Variants in SYNE1 observed in about 807,000 individuals in gnomAD.
The protein encoded by SYNE1 is spectrin repeat containing nuclear envelope protein 1, also known as nesprin-1.
A neutral mutation model predicts 1,111.0 loss-of-function variants in SYNE1; 616 were observed. The ratio of observed to expected loss-of-function variants is 0.55; its 90% confidence interval spans 0.52 to 0.59. SYNE1 has a LOEUF of 0.59. Ranked by LOEUF, SYNE1 falls within the 20% of genes least tolerant of loss-of-function variation. The pLI, the probability that SYNE1 is intolerant of heterozygous loss-of-function variation, is 0.00. For synonymous variants in SYNE1, 3,855 were observed against 3,825.8 expected (o/e 1.01, Z -0.28); for missense variants, 10,006 against 10,417.0 (o/e 0.96, Z 1.72).
At chr6:152,507,268 G>T (rs59175737) in intron 8 of SYNE1, among the ~76,000 whole-genome samples, 3,693 of 152,156 alleles carry the variant, frequency 0.024, 147 homozygotes, top group African/African-American at 0.084. Flanking sequence ...ATTAAGTGGG[G>T]TGTAAATAAA....
rs954877702 is a variant in SYNE1, at chr6:152,166,636, G to A, written c.23628-2311C>T. On this transcript the variant is annotated intron_variant, in intron 130 of 145. Coordinates refer to ENST00000367255, the MANE Select transcript of SYNE1 (RefSeq NM_182961.4). ...GTGGTTAGTATGCAATATGTCAAGG[G>A]CATCATGACATGGAAATGTGTGTTC... is the stretch of plus-strand genomic sequence containing the variant. 2.6e-5 allele frequency among the ~76,000 whole-genome samples: 4 copies of A among 152,176 alleles called. No individual in the cohort carries two copies. The East Asian group carries it at 7.7e-4, about 29-fold the overall frequency.
chr6:152,522,379 G>T (rs1283231847), intron 5 of SYNE1, among the ~76,000 whole-genome samples: 1 of 152,116 alleles, frequency 6.6e-6, no homozygotes, highest in Non-Finnish European at 1.5e-5. Flanking sequence ...TGCTGCAAAA[G>T]ACATTATTTC....
At position 152,330,463 on chromosome 6, in the gene SYNE1, C is replaced by T. The variant is rs1038663495; in HGVS notation, c.14222G>A (p.Arg4741His). 11 of 1,614,002 alleles carry T rather than the reference C, an allele frequency of 6.8e-6. No individual in the cohort carries two copies. The highest frequency in any genetic ancestry group is 6.7e-5 in the African/African-American group (5 of 74,902). The change falls in exon 78 of 146, where the codon CGC becomes CAC. Residue 4741 changes from arginine (R) to histidine (H), a missense_variant. Physicochemically the swap from Arg to His is conservative, Grantham distance 29 (BLOSUM62 0). Transcript: ENST00000367255. ...DELNQKKEGF[R>H]STGQPWQPDK... The stretch of plus-strand genomic sequence containing the variant: ...TGGCTGCCAAGGCTGACCTGTGCTG[C>T]GAAAACCTTCTTTTTTCTGGTTCAG...
In SYNE1 at chr6:152,309,910, A is replaced by G; in HGVS notation, c.17127T>C (p.Cys5709=). 1.2e-6 allele frequency: 2 copies of G among 1,614,158 alleles called. No individual in the cohort carries two copies. Among genetic ancestry groups the G allele is most frequent in the Non-Finnish European group, 1.7e-6 (2 of 1,180,040 alleles). ...PEDVVASLPL[C]HAALRLQEEA... ...CTTCCTGCAGCCGCAGAGCAGCATG[A>G]CAGAGAGGTAAGCTGGCAACCACAT... The change falls in exon 90 of 146, where the codon TGT becomes TGC. Residue 5709 remains cysteine, a synonymous_variant. Transcript: ENST00000367255.
chr6:152,255,430 GA>G (rs2090576597), intron 103 of SYNE1, among the ~76,000 whole-genome samples, 160 bp downstream of exon 103: 1 of 152,170 alleles, frequency 6.6e-6, no homozygotes, highest in Non-Finnish European at 1.5e-5. Context: ...GACAAAGAAT[GA>G]AAATGCGAAC....
In SYNE1 at chr6:152,416,611, A is replaced by G; in HGVS notation, c.5826T>C (p.Ser1942=). ...KAQYHLKIGS[S]EQRTSCRATA... is the part of the protein sequence containing the mutation. ...TGGCTCTGCAGGAAGTCCTTTGCTC[A>G]GAGCTCCCGATTTTCAGATGGTATT... The change falls in exon 41 of 146, where the codon TCT becomes TCC. Residue 1942 remains serine, a synonymous_variant. Transcript: ENST00000367255. 6.2e-7 allele frequency: 1 copy of G among 1,614,130 alleles called. No homozygotes were observed. Among genetic ancestry groups the G allele is most frequent in the Non-Finnish European group, 8.5e-7 (1 of 1,180,024 alleles).
chr6:152,204,272 C>A lies in SYNE1; in HGVS notation c.23019+1896G>T, dbSNP rs145834216. Among the ~76,000 whole-genome samples, 399 of 150,270 alleles carry A rather than the reference C, an allele frequency of 2.7e-3. 3 individuals are homozygous for A. Among genetic ancestry groups the A allele is most frequent in the African/African-American group, 9.5e-3 (389 of 40,864 alleles). ...CCCACCTACTTGAGAGGCTGATGCA[C>A]GAGAATCACTTGAACCCAGAAGAGT... On this transcript the variant is annotated intron_variant, in intron 126 of 145. Coordinates refer to ENST00000367255, the MANE Select transcript of SYNE1 (RefSeq NM_182961.4).
intron 73 of SYNE1, among the ~76,000 whole-genome samples, chr6:152,344,514 A>G (rs2096596863): frequency 6.6e-6 from 1 of 152,250 alleles, no homozygotes; most frequent in South Asian, 2.1e-4. Flanking sequence ...GCTAGAATAC[A>G]TAAAATCATT....
At chr6:152,289,679 T>TGCA (rs747674591) in intron 95 of SYNE1, among the ~76,000 whole-genome samples, 15 of 152,132 alleles carry the variant, frequency 9.9e-5, no homozygotes, top group Admixed American at 2.0e-4. Flanking sequence ...CAGGCTGGAG[T>TGCA]GCGGTGGCGC....
chr6:152,557,010 C>T (rs747308902), intron 3 of SYNE1, among the ~76,000 whole-genome samples: 5 of 151,912 alleles, frequency 3.3e-5, no homozygotes, highest in African/African-American at 7.3e-5. Context: ...AATCTTCTAA[C>T]AAAGAAGCTA....
chr6:152,517,977 G>A (rs2099120618), intron 6 of SYNE1, among the ~76,000 whole-genome samples: 1 of 151,544 alleles, frequency 6.6e-6, no homozygotes, highest in African/African-American at 2.4e-5. Flanking sequence ...AAATAAAATC[G>A]ACCAGGATGG....
chr6:152,512,620 C>T (rs542905516), intron 6 of SYNE1, among the ~76,000 whole-genome samples: 25 of 152,184 alleles, frequency 1.6e-4, no homozygotes, highest in African/African-American at 5.1e-4. Context: ...ATTATCCTAC[C>T]TCGACCCAGT....
intron 130 of SYNE1, chr6:152,168,041 C>T: frequency 1.3e-6 from 1 of 780,566 alleles, no homozygotes; most frequent in Non-Finnish European, 2.4e-6. Flanking sequence ...TTAAGGCTTC[C>T]AGCGTCTATC....
At chr6:152,507,126 T>C (rs1207059187) in intron 8 of SYNE1, among the ~76,000 whole-genome samples, 2 of 152,206 alleles carry the variant, frequency 1.3e-5, no homozygotes, top group Non-Finnish European at 2.9e-5. Context: ...TCATGCAGGT[T>C]GAACAGTATG....
Position 152,154,918 on chromosome 6 carries a change from C to A in SYNE1, c.24103G>T (p.Ala8035Ser). ...PSSSGVIYTV[A>S]KEELKKFEAF... is the part of the protein sequence containing the mutation. ...TCAAATTTCTTTAGTTCTTCCTTGG[C>A]AACTGTATAGATCACCCCAGAAGAG... is the stretch of plus-strand genomic sequence containing the variant. The change falls in exon 133 of 146, where the codon GCC becomes TCC. Residue 8035 changes from alanine (A) to serine (S), a missense_variant. By Grantham distance (99) the Ala-to-Ser change is moderately conservative (BLOSUM62 1). Around this residue, in one of 7 missense-constraint regions of SYNE1, gnomAD observed 2,182 missense variants for 2,287.8 expected, o/e 0.95. Transcript: ENST00000367255. 4 of 1,614,152 alleles carry A rather than the reference C, an allele frequency of 2.5e-6. No homozygotes were observed. In the South Asian group the frequency reaches 4.4e-5, roughly 18 times the overall value.
At chr6:152,611,562 C>T (rs1198240359) in intron 3 of SYNE1, among the ~76,000 whole-genome samples, 2 of 152,044 alleles carry the variant, frequency 1.3e-5, no homozygotes, top group South Asian at 2.1e-4. Flanking sequence ...ACTTTAACAC[C>T]CCACTGTCAA....
chr6:152,208,097 G>A lies in SYNE1; in HGVS notation c.22699C>T (p.Arg7567Cys), dbSNP rs375314309. The change falls in exon 125 of 146, where the codon CGC (arginine) becomes TGC (cysteine). Residue 7567 changes from arginine to cysteine, a missense_variant. Physicochemically the swap from Arg to Cys is radical, Grantham distance 180. Around this residue, in one of 7 missense-constraint regions of SYNE1, gnomAD observed 2,182 missense variants for 2,287.8 expected, o/e 0.95. Transcript: ENST00000367255. Reference sequence around the variant, plus strand: ...AGCTTTTCTGCCATCTCCCTATAGCGCTGCCACTGGCGAATCTGGCTGTCA... The same window carrying A: ...AGCTTTTCTGCCATCTCCCTATAGCACTGCCACTGGCGAATCTGGCTGTCA... ...IIDSQIRQWQRYREMAEKLRK... is the reference protein window; with the variant it reads ...IIDSQIRQWQCYREMAEKLRK... 1.3e-5 allele frequency: 21 copies of A among 1,614,034 alleles called. No homozygotes were observed. The highest frequency in any genetic ancestry group is 9.3e-5 in the African/African-American group (7 of 74,988).
chr6:152,238,272 A>G (rs1483709100), intron 108 of SYNE1, among the ~76,000 whole-genome samples: 1 of 152,150 alleles, frequency 6.6e-6, no homozygotes, highest in Non-Finnish European at 1.5e-5. Context: ...CAGACAGATG[A>G]AGGTGTGATC....
chr6:152,485,075 T>G lies in SYNE1; in HGVS notation c.1048-103A>C. The G allele has an allele frequency of 2.4e-6, 3 of 1,251,938 alleles. No homozygotes were observed. In the South Asian group the frequency reaches 3.9e-5, roughly 16 times the overall value. 77.6% of individuals were successfully genotyped at this position (1,251,938 alleles called of 1,614,324 possible). ...ACAATCTTTTCTATTTGGATAACAC[T>G]CAATATATGTTGTTGATAATAATAA... On this transcript the variant is annotated intron_variant, in intron 12 of 145. Coordinates refer to ENST00000367255, the MANE Select transcript of SYNE1 (RefSeq NM_182961.4).
Sources: allele counts gnomAD v4.1 joint callset (sites outside exome capture counted in the v4.1 genomes callset), GRCh38; gene constraint gnomAD v4.1.1; regional missense constraint gnomAD v4.1.1; transcripts MANE v1.5; gene names NCBI Gene and HGNC (gene_info 2026-07-23, HGNC 2026-07-21).